Variants in SLC17A5 observed in about 807,000 individuals in gnomAD.
SLC17A5 encodes the protein sialin.
SLC17A5 carries 47 observed loss-of-function variants against 59.4 expected under a neutral mutation model. The observed-to-expected ratio is 0.79, with a 90% CI of 0.63 to 1.01. SLC17A5 has a LOEUF of 1.01. SLC17A5 is among the 50% of genes least tolerant of loss of function. SLC17A5 has a pLI of 0.00. For synonymous variants in SLC17A5, 202 were observed against 210.7 expected (o/e 0.96, Z 0.36); for missense variants, 522 against 595.5 (o/e 0.88, Z 1.28).
intron 9 of SLC17A5, among the ~76,000 whole-genome samples, chr6:73,610,084 A>G (rs1329563422): frequency 2.6e-5 from 4 of 151,930 alleles, no homozygotes; most frequent in Admixed American, 2.6e-4. Context: ...CCCAGGCTGA[A>G]GTGCAATGAT....
At chr6:73,645,515 A>G (rs1026044443) in intron 1 of SLC17A5, 3 of 984,752 alleles carry the variant, frequency 3.0e-6, no homozygotes, top group East Asian at 1.1e-4. Context: ...TGCCGGGCAC[A>G]GTGGCTCACG....
chr6:73,624,744 C>T lies in SLC17A5; in HGVS notation c.820-2782G>A, dbSNP rs369277717. 6.6e-5 allele frequency among the ~76,000 whole-genome samples: 10 copies of T among 151,980 alleles called. No homozygotes were observed. In the East Asian group the frequency reaches 7.8e-4, roughly 12 times the overall value. On this transcript the variant is annotated intron_variant, in intron 6 of 10. Transcript: ENST00000355773. ...CAAAAATTAGCTGGATGTGGTGGCG[C>T]GACCTGTAGTCCCAGCTACTTGGGA...
intron 9 of SLC17A5, among the ~76,000 whole-genome samples, chr6:73,601,502 A>T (rs1767093520): frequency 8.7e-6 from 1 of 114,684 alleles, no homozygotes; most frequent in Non-Finnish European, 1.8e-5. Flanking sequence ...CCCGTCCGGG[A>T]GGGAGGTGGG....
chr6:73,600,490 C>A, intron 9 of SLC17A5, 49 bp from the exon 10 acceptor site: 661 of 1,080,806 alleles, frequency 6.1e-4, no homozygotes, highest in Non-Finnish European at 8.5e-4. Flanking sequence ...CACATTTAAA[C>A]AGCTTCATTC....
chr6:73,621,000 A>ATTTATTATTATTATT (rs35762085), intron 7 of SLC17A5, among the ~76,000 whole-genome samples: 2,608 of 150,278 alleles, frequency 0.017, 41 homozygotes, highest in Non-Finnish European at 0.026. Context: ...TGCTGGGATT[A>ATTTATTATTATTATT]ATTATTATTA....
chr6:73,634,284 T>C (rs1205917318), intron 6 of SLC17A5, among the ~76,000 whole-genome samples: 1 of 152,226 alleles, frequency 6.6e-6, no homozygotes, highest in Non-Finnish European at 1.5e-5. Flanking sequence ...ATGACACTCA[T>C]TTAAAATATA....
intron 6 of SLC17A5, among the ~76,000 whole-genome samples, chr6:73,626,977 G>A (rs1308203511): frequency 6.6e-6 from 1 of 152,114 alleles, no homozygotes; most frequent in Non-Finnish European, 1.5e-5. Flanking sequence ...TCACTAAGTT[G>A]ACCAGGCTGG....
chr6:73,635,763 TAG>T (rs1470185800), intron 5 of SLC17A5, among the ~76,000 whole-genome samples: 1 of 150,724 alleles, frequency 6.6e-6, no homozygotes, highest in Non-Finnish European at 1.5e-5. Flanking sequence ...TTTTTTGAGA[TAG>T]AGTCTTGCTC....
At chr6:73,610,621 C>A in intron 8 of SLC17A5, 74 bp from the exon 9 acceptor site, 1 of 1,558,320 alleles carries the variant, frequency 6.4e-7, no homozygotes, top group South Asian at 1.1e-5. Flanking sequence ...TGGTATAAAT[C>A]TGAAATTTGA....
chr6:73,650,972 T>G (rs1703467), intron 1 of SLC17A5, among the ~76,000 whole-genome samples: 1 of 151,948 alleles, frequency 6.6e-6, no homozygotes, highest in Non-Finnish European at 1.5e-5. Context: ...TCCTATCAAA[T>G]CTTCAGATCT....
chr6:73,603,467 C>T (rs1166859596), intron 9 of SLC17A5, among the ~76,000 whole-genome samples: 2 of 144,940 alleles, frequency 1.4e-5, no homozygotes, highest in South Asian at 2.1e-4. Flanking sequence ...GTTGCCCAGA[C>T]TGGAGTGCAA....
At chr6:73,632,889 A>T (rs1006787819) in intron 6 of SLC17A5, among the ~76,000 whole-genome samples, 2 of 149,442 alleles carry the variant, frequency 1.3e-5, no homozygotes, top group Admixed American at 1.3e-4. Context: ...ACATGGCAAC[A>T]TCTGTTTATA....
intron 10 of SLC17A5, among the ~76,000 whole-genome samples, chr6:73,597,349 C>G (rs1334000732): frequency 2.0e-5 from 3 of 151,864 alleles, no homozygotes; most frequent in Admixed American, 6.6e-5. Context: ...CACCTGTAAT[C>G]CCAGCTACTT....
At chr6:73,597,967 A>G (rs382038) in intron 10 of SLC17A5, among the ~76,000 whole-genome samples, 72,101 of 151,618 alleles carry the variant, frequency 0.48, 17,734 homozygotes, top group African/African-American at 0.59. Flanking sequence ...GTGCATTTTA[A>G]TGAAAAAAAA....
At chr6:73,604,338 C>T (rs1167065251) in intron 9 of SLC17A5, among the ~76,000 whole-genome samples, 1 of 152,204 alleles carries the variant, frequency 6.6e-6, no homozygotes, top group Non-Finnish European at 1.5e-5. Context: ...TGGAAGAAAA[C>T]AAGTTGTATG....
chr6:73,630,396 A>G (rs1239871220), intron 6 of SLC17A5, among the ~76,000 whole-genome samples: 1 of 152,236 alleles, frequency 6.6e-6, no homozygotes, highest in East Asian at 1.9e-4. Context: ...TCTACCTATA[A>G]GTACTGACTT....
intron 9 of SLC17A5, among the ~76,000 whole-genome samples, chr6:73,609,265 C>T (rs186751660): frequency 2.6e-4 from 39 of 152,234 alleles, no homozygotes; most frequent in African/African-American, 8.4e-4. Flanking sequence ...GTATGTGGCT[C>T]AAAGAATATT....
At position 73,645,351 on chromosome 6, in the gene SLC17A5, C is replaced by T. The variant is rs181684095; in HGVS notation, c.95-748G>A. 82 of 985,306 alleles carry T rather than the reference C, an allele frequency of 8.3e-5. No homozygotes were observed. In the Admixed American group the frequency reaches 4.9e-3, roughly 59 times the overall value. The allele number at this position is 985,306 out of a possible 1,614,324, so 61.0% of individuals were successfully genotyped here. A position where few individuals can be genotyped will look rare whatever the true frequency, so the allele number is the denominator to read the frequency against. On this transcript the variant is annotated intron_variant, in intron 1 of 10. Coordinates refer to ENST00000355773, the MANE Select transcript of SLC17A5 (RefSeq NM_012434.5). ...AGCCATGATTAATACTTAAAGCCAT[C>T]GTAAACTAAATGCATTTAAGAATCT...
chr6:73,600,463 C>T (rs368610936), intron 9 of SLC17A5, 22 bp from the exon 10 acceptor site: 15 of 1,523,766 alleles, frequency 9.8e-6, no homozygotes, highest in African/African-American at 1.4e-5. Context: ...TTTTCATAGA[C>T]GTTTATTATT....
Sources: allele counts gnomAD v4.1 joint callset (sites outside exome capture counted in the v4.1 genomes callset), GRCh38; gene constraint gnomAD v4.1.1; transcripts MANE v1.5; gene names NCBI Gene and HGNC (gene_info 2026-07-23, HGNC 2026-07-21).